HDLBP: variants seen among roughly 807,000 people sequenced by gnomAD.
HDLBP encodes vigilin.
Under a neutral mutation model 137.3 loss-of-function variants are expected in HDLBP, and 30 were observed. The ratio of observed to expected loss-of-function variants is 0.22; its 90% CI spans 0.16 to 0.30. The LOEUF (loss-of-function observed/expected upper bound fraction) is 0.30, where lower values mean the gene tolerates loss of function less well. Among genes scored for constraint, HDLBP ranks in the 10% least tolerant of loss-of-function variants. The pLI is 1.00. For missense variants in HDLBP, 1,119 were observed against 1,667.3 expected (o/e 0.67, Z 5.73); for synonymous variants, 606 against 596.0 (o/e 1.02, Z -0.24).
intron 11 of HDLBP, 116 bp from the exon 12 acceptor site, chr2:241,250,096 C>G: frequency 9.6e-7 from 1 of 1,043,988 alleles, no homozygotes; most frequent in South Asian, 1.8e-5. Flanking sequence ...ATTCCCATCA[C>G]CAAAAACGAT....
At position 241,230,113 on chromosome 2, in the gene HDLBP, G is replaced by A; in HGVS notation, c.3591+40C>T. ...GGCTGGGCCTCAGGCCGGTGGACGT[G>A]CCAGGGCGCCTCAGGGCTCCAAGGC... On this transcript the variant is annotated intron_variant, in intron 26 of 27. Transcript: ENST00000310931. This position sits in a 1 kb window ranked among gnomAD's most constrained non-coding sequence, Gnocchi z 5.0. The A allele has an allele frequency of 6.3e-7, 1 of 1,591,270 alleles. No individual in the cohort carries two copies. The highest frequency in any genetic ancestry group is 8.6e-7 in the Non-Finnish European group (1 of 1,159,802).
chr2:241,311,796 T>C (rs191606264), intron 1 of HDLBP, among the ~76,000 whole-genome samples: 3 of 152,334 alleles, frequency 2.0e-5, no homozygotes, highest in East Asian at 3.9e-4. Context: ...GTAGTCATAA[T>C]ATAAACAATC....
chr2:241,241,444 G>C (rs914001562), intron 17 of HDLBP, among the ~76,000 whole-genome samples: 1 of 151,820 alleles, frequency 6.6e-6, no homozygotes, highest in Admixed American at 6.6e-5. Context: ...TCGGGCGCCT[G>C]TGGTCCCAGC....
chr2:241,250,891 ATGAC>A (rs1022565737), intron 11 of HDLBP: 3 of 152,102 alleles, frequency 2.0e-5, no homozygotes, highest in Non-Finnish European at 4.4e-5. Flanking sequence ...CAGAACAGAC[ATGAC>A]TGACTAAGCT....
chr2:241,249,795 G>A, intron 12 of HDLBP, 46 bp downstream of exon 12: 1 of 1,543,952 alleles, frequency 6.5e-7, no homozygotes, highest in Non-Finnish European at 8.7e-7. Flanking sequence ...GGGGCCAAGA[G>A]ACGCAAGGCC....
At chr2:241,268,392 C>T (rs1438457488) in intron 2 of HDLBP, 85 bp downstream of exon 2, 3 of 862,830 alleles carry the variant, frequency 3.5e-6, no homozygotes, top group Non-Finnish European at 4.2e-6. Flanking sequence ...AAGGTACACA[C>T]AGGACTAAGA....
At chr2:241,301,671 T>C (rs891865530) in intron 1 of HDLBP, among the ~76,000 whole-genome samples, 4 of 152,142 alleles carry the variant, frequency 2.6e-5, no homozygotes, top group African/African-American at 9.7e-5. Context: ...GTCTTCTATT[T>C]ACAAGCTACA....
chr2:241,229,664 C>G lies in HDLBP; in HGVS notation c.3744G>C (p.Glu1248Asp). ...CCTGAGCCCCAAAGCTGGGAAATTC[C>G]TCAGAGCTGCTCATGTCAGGAGCCT... ...SEKAPDMSSS[E>D]EFPSFGAQVA... Residue 1248 changes from glutamate to aspartate, a missense_variant, in exon 28 of 28, where the codon GAG (glutamate) becomes GAC (aspartate). Glu to Asp is a conservative substitution (Grantham distance 45). Around this residue, in one of 4 missense-constraint regions of HDLBP, gnomAD observed 618 missense variants for 816.7 expected, o/e 0.76. Coordinates refer to ENST00000310931, the MANE Select transcript of HDLBP (RefSeq NM_005336.6). 1.2e-6 allele frequency: 2 copies of G among 1,614,168 alleles called. No individual in the cohort carries two copies. The highest frequency in any genetic ancestry group is 1.7e-6 in the Non-Finnish European group (2 of 1,180,028).
intron 1 of HDLBP, among the ~76,000 whole-genome samples, chr2:241,277,068 C>T (rs2074415817): frequency 6.6e-6 from 1 of 150,704 alleles, no homozygotes; most frequent in Non-Finnish European, 1.5e-5. Flanking sequence ...TAGAACTCAA[C>T]TTAAAAATTT....
chr2:241,302,076 CT>C, intron 1 of HDLBP, among the ~76,000 whole-genome samples: 1 of 145,964 alleles, frequency 6.9e-6, no homozygotes, highest in East Asian at 2.0e-4. Flanking sequence ...CCCCCCACAA[CT>C]CCCATCTCTA....
chr2:241,313,237 C>G (rs2075805583), intron 1 of HDLBP, among the ~76,000 whole-genome samples: 2 of 152,202 alleles, frequency 1.3e-5, no homozygotes, highest in South Asian at 4.1e-4. Context: ...GTCTCTCACA[C>G]TAGACCACAA....
Position 241,239,556 on chromosome 2 carries a change from G to T in HDLBP, c.2610+46C>A. 1 of 1,500,490 alleles carries T rather than the reference G, an allele frequency of 6.7e-7. No homozygotes were observed. Among genetic ancestry groups the T allele is most frequent in the Non-Finnish European group, 9.3e-7 (1 of 1,079,106 alleles). The allele number at this position is 1,500,490 out of a possible 1,614,324, so 92.9% of individuals were successfully genotyped here. ...ACACTCATACACGGCTTCGGTGAGTGGCCACTGGGGGGTGAGAACCCCTCC... is the reference window on the plus strand; with the variant it reads ...ACACTCATACACGGCTTCGGTGAGTTGCCACTGGGGGGTGAGAACCCCTCC... On this transcript the variant is annotated intron_variant, in intron 19 of 27. Coordinates refer to ENST00000310931, the MANE Select transcript of HDLBP (RefSeq NM_005336.6). This position sits in a 1 kb window ranked among gnomAD's most constrained non-coding sequence, Gnocchi z 4.6.
intron 1 of HDLBP, among the ~76,000 whole-genome samples, chr2:241,314,927 T>C (rs1267638476): frequency 2.0e-5 from 3 of 152,222 alleles, no homozygotes; most frequent in South Asian, 2.1e-4. Context: ...TCTCGAACAG[T>C]TGCAGTGCCT....
chr2:241,286,960 AAG>A (rs2074837441), intron 1 of HDLBP, among the ~76,000 whole-genome samples: 1 of 151,482 alleles, frequency 6.6e-6, no homozygotes, highest in Admixed American at 6.6e-5. Context: ...AAAAAAAAAA[AAG>A]AAAACATGTA....
intron 1 of HDLBP, among the ~76,000 whole-genome samples, chr2:241,300,727 C>A (rs538490837): frequency 4.7e-4 from 72 of 152,286 alleles, no homozygotes; most frequent in Middle Eastern, 3.4e-3. Flanking sequence ...AGGTCCTCCT[C>A]TCTCTGAGAC....
Position 241,253,449 on chromosome 2 carries a change from G to A in HDLBP, c.1237C>T (p.Pro413Ser), listed in dbSNP as rs1450010232. Residue 413 changes from proline (P) to serine (S), a missense_variant, in exon 10 of 28, where the codon CCT becomes TCT. Around this residue, in one of 4 missense-constraint regions of HDLBP, gnomAD observed 425 missense variants for 693.9 expected, o/e 0.61. Coordinates refer to ENST00000310931, the MANE Select transcript of HDLBP (RefSeq NM_005336.6). ...TGGGCCACATTGACATCCTCTGTAG[G>A]GCCCTCCAGGGTGATCTTGTCTTCG... ...EGEDKITLEG[P>S]TEDVNVAQEQ... 1 of 1,613,702 alleles carries A rather than the reference G, an allele frequency of 6.2e-7. No homozygotes were observed. The highest frequency in any genetic ancestry group is 8.5e-7 in the Non-Finnish European group (1 of 1,179,748).
At chr2:241,264,705 C>G (rs1165876344) in intron 3 of HDLBP, 100 bp from the exon 4 acceptor site, 2 of 1,172,326 alleles carry the variant, frequency 1.7e-6, no homozygotes, top group African/African-American at 3.1e-5. Flanking sequence ...AAACAAGAAC[C>G]ATCAAATGCT....
chr2:241,257,185 A>C lies in HDLBP; in HGVS notation c.451-379T>G, dbSNP rs753325654. 6.2e-4 allele frequency among the ~76,000 whole-genome samples: 95 copies of C among 152,238 alleles called. 1 individual carries two copies. The highest frequency in any genetic ancestry group is 1.2e-3 in the Non-Finnish European group (84 of 68,042). ...AAAAGACTGAAATCAAGAAGTTAAC[A>C]ACATTAACTTCCACAAACAACAACT... On this transcript the variant is annotated intron_variant, in intron 5 of 27. Transcript: ENST00000310931.
Position 241,236,695 on chromosome 2 carries a change from G to A in HDLBP, c.2824C>T (p.Pro942Ser), listed in dbSNP as rs995731049. 1 of 1,614,022 alleles carries A rather than the reference G, an allele frequency of 6.2e-7. No homozygotes were observed. The highest frequency in any genetic ancestry group is 1.7e-5 in the Admixed American group (1 of 60,022). ...GEGREAKDCD[P>S]GSPRRCDIII... is the part of the protein sequence containing the mutation. ...ATGTCACACCTCCTTGGAGAGCCGGGGTCACAATCTTTAGCCTCTCTCCCC... is the reference window on the plus strand; with the variant it reads ...ATGTCACACCTCCTTGGAGAGCCGGAGTCACAATCTTTAGCCTCTCTCCCC... The change falls in exon 21 of 28, where the codon CCC becomes TCC. Residue 942 changes from proline (P) to serine (S), a missense_variant. By Grantham distance (74) the Pro-to-Ser change is moderately conservative. Coordinates refer to ENST00000310931, the MANE Select transcript of HDLBP (RefSeq NM_005336.6).
Sources: allele counts gnomAD v4.1 joint callset (sites outside exome capture counted in the v4.1 genomes callset), GRCh38; gene constraint gnomAD v4.1.1; regional missense constraint gnomAD v4.1.1; non-coding constraint Gnocchi (gnomAD v3.1); transcripts MANE v1.5; gene names NCBI Gene and HGNC (gene_info 2026-07-23, HGNC 2026-07-21).